The following ATRNL1 variants were observed in gnomAD, a reference collection of about 807,000 sequenced individuals.
ATRNL1 encodes the protein attractin-like protein 1.
A neutral mutation model predicts 182.7 loss-of-function variants in ATRNL1; 95 were observed. That is an observed-to-expected ratio of 0.52 (90% confidence interval 0.44 to 0.62). The LOEUF (loss-of-function observed/expected upper bound fraction) is 0.62, where lower values mean the gene tolerates loss of function less well. ATRNL1 is among the 20% of genes least tolerant of loss of function. The probability of loss-of-function intolerance (pLI) is 0.00; values close to 1 mark genes in which losing one functional copy is unlikely to be tolerated. For synonymous variants in ATRNL1, 576 were observed against 568.3 expected, an observed-to-expected ratio of 1.01 and a Z score of -0.19; for missense variants, 1,471 against 1,679.5, an observed-to-expected ratio of 0.88 and a Z score of 2.17.
At chr10:115,593,808 T>G (rs1046767620) in intron 26 of ATRNL1, among the ~76,000 whole-genome samples, 1 of 152,198 alleles carries the variant, frequency 6.6e-6, no homozygotes. Context: ...ATGGGTAGTT[T>G]TGTTGTTTAA....
intron 18 of ATRNL1, among the ~76,000 whole-genome samples, chr10:115,320,357 G>A (rs782553964): frequency 6.6e-6 from 1 of 152,096 alleles, no homozygotes; most frequent in Non-Finnish European, 1.5e-5. Flanking sequence ...TAGAGAATCT[G>A]ATGGTTATGT....
At chr10:115,406,601 TA>T (rs1455170602) in intron 20 of ATRNL1, among the ~76,000 whole-genome samples, 2 of 152,170 alleles carry the variant, frequency 1.3e-5, no homozygotes. Context: ...AAAAATTCCT[TA>T]GTTCTTAAAA....
chr10:115,233,820 TAACTC>T (rs1437221396), intron 9 of ATRNL1, among the ~76,000 whole-genome samples: 1 of 152,130 alleles, frequency 6.6e-6, no homozygotes, highest in South Asian at 2.1e-4. Context: ...ACTTTATTAT[TAACTC>T]AACTTGGGTT....
At chr10:115,190,658 A>G (rs1180275207) in intron 8 of ATRNL1, among the ~76,000 whole-genome samples, 1 of 152,162 alleles carries the variant, frequency 6.6e-6, no homozygotes, top group Non-Finnish European at 1.5e-5. Flanking sequence ...TAATGATCAA[A>G]TCAGGGTAAT....
intron 21 of ATRNL1, among the ~76,000 whole-genome samples, chr10:115,442,450 A>G (rs960896603): frequency 5.0e-4 from 76 of 151,912 alleles, no homozygotes; most frequent in Non-Finnish European, 8.7e-4. Context: ...TTGTAAAGCA[A>G]TCTTCTCTGA....
rs782408518 is a variant in ATRNL1, at chr10:115,426,228, A to G, written c.3270-22A>G. 27 of 1,607,148 alleles carry G rather than the reference A, an allele frequency of 1.7e-5. No homozygotes were observed. In the Admixed American group the frequency reaches 3.5e-4, roughly 21 times the overall value. Reference sequence around the variant, plus strand: ...TTTGAATTGCATTGTTTAATAGTAAATGAGTTTTTGTGTTTCTGCAGATGT... The same window carrying G: ...TTTGAATTGCATTGTTTAATAGTAAGTGAGTTTTTGTGTTTCTGCAGATGT... On this transcript the variant is annotated intron_variant, in intron 20 of 28. Coordinates refer to ENST00000355044, the MANE Select transcript of ATRNL1 (RefSeq NM_207303.4).
intron 19 of ATRNL1, among the ~76,000 whole-genome samples, chr10:115,375,141 T>TTA (rs1201298307): frequency 9.9e-5 from 15 of 151,816 alleles, no homozygotes; most frequent in African/African-American, 3.4e-4. Flanking sequence ...AATATTTTCT[T>TTA]TATATATATA....
intron 27 of ATRNL1, among the ~76,000 whole-genome samples, chr10:115,759,603 A>G (rs541833848): frequency 1.3e-5 from 2 of 152,044 alleles, no homozygotes; most frequent in South Asian, 4.2e-4. Context: ...TAATGTTTTC[A>G]TTTGTATTAA....
chr10:115,456,484 T>C (rs1314882879), intron 21 of ATRNL1, among the ~76,000 whole-genome samples: 1 of 152,022 alleles, frequency 6.6e-6, no homozygotes, highest in Admixed American at 6.6e-5. Context: ...GGGCCTGTCA[T>C]GGGGTGACGG....
rs531283695 is a variant in ATRNL1, at chr10:115,243,859, G to A, written c.1687+2134G>A. Among the ~76,000 whole-genome samples, 8 of 152,066 alleles carry A rather than the reference G, an allele frequency of 5.3e-5. No homozygotes were observed. In the South Asian group the frequency reaches 1.7e-3, roughly 32 times the overall value. On this transcript the variant is annotated intron_variant, in intron 10 of 28. Coordinates refer to ENST00000355044, the MANE Select transcript of ATRNL1 (RefSeq NM_207303.4). ...AAGACAGTTCCACAATTCAACATAGGTTAAAACTGTTCGGCTTTATCTCAT... is the reference window on the plus strand; with the variant it reads ...AAGACAGTTCCACAATTCAACATAGATTAAAACTGTTCGGCTTTATCTCAT...
chr10:115,416,132 G>A (rs542537456), intron 20 of ATRNL1, among the ~76,000 whole-genome samples: 2 of 151,908 alleles, frequency 1.3e-5, no homozygotes, highest in African/African-American at 4.8e-5. Context: ...GATTATCTTT[G>A]AAATTAATTG....
chr10:115,717,521 C>T (rs1555056606), intron 26 of ATRNL1, among the ~76,000 whole-genome samples: 1 of 142,388 alleles, frequency 7.0e-6, no homozygotes, highest in African/African-American at 2.6e-5. Flanking sequence ...AAACTTGGTG[C>T]TTGATTTTCC....
intron 26 of ATRNL1, among the ~76,000 whole-genome samples, chr10:115,582,530 G>T (rs1350734009): frequency 1.6e-5 from 2 of 123,200 alleles, no homozygotes; most frequent in African/African-American, 5.4e-5. Flanking sequence ...TTTTTTGGCT[G>T]CATAAATGTC....
At chr10:115,418,381 AG>A (rs1404831324) in intron 20 of ATRNL1, among the ~76,000 whole-genome samples, 1 of 152,194 alleles carries the variant, frequency 6.6e-6, no homozygotes, top group African/African-American at 2.4e-5. Flanking sequence ...GTTCAAAGGT[AG>A]GCTATTTGAG....
intron 28 of ATRNL1, among the ~76,000 whole-genome samples, chr10:115,863,520 C>T (rs1369358574): frequency 2.6e-5 from 4 of 152,038 alleles, no homozygotes; most frequent in African/African-American, 9.7e-5. Flanking sequence ...TTCTCACTGT[C>T]AGAGAAAAAT....
At chr10:115,337,148 A>T (rs1389236894) in intron 19 of ATRNL1, among the ~76,000 whole-genome samples, 1 of 151,994 alleles carries the variant, frequency 6.6e-6, no homozygotes, top group Non-Finnish European at 1.5e-5. Context: ...GGCGTGAGCC[A>T]CCATGCCTGG....
At chr10:115,442,302 TC>T (rs1846732631) in intron 21 of ATRNL1, among the ~76,000 whole-genome samples, 1 of 132,470 alleles carries the variant, frequency 7.5e-6, no homozygotes, top group South Asian at 2.4e-4. Flanking sequence ...TCTCTCTCTC[TC>T]TGTGTGTATG....
chr10:115,894,702 C>T (rs562694849), intron 28 of ATRNL1, among the ~76,000 whole-genome samples: 1 of 152,270 alleles, frequency 6.6e-6, no homozygotes, highest in South Asian at 2.1e-4. Flanking sequence ...CACAATAATA[C>T]TCCTGGACAG....
At chr10:115,919,657 CATAT>C (rs1201601754) in intron 28 of ATRNL1, among the ~76,000 whole-genome samples, 1 of 151,804 alleles carries the variant, frequency 6.6e-6, no homozygotes, top group Non-Finnish European at 1.5e-5. Context: ...TATGCATACA[CATAT>C]ATATATAGTC....
Sources: gnomAD v4.1 joint callset for allele counts (sites outside exome capture counted in the v4.1 genomes callset) on GRCh38, gnomAD v4.1.1 for gene constraint, MANE v1.5 for transcripts, NCBI Gene and HGNC (gene_info 2026-07-23, HGNC 2026-07-21) for gene names.